Variants in NRXN3 observed in about 807,000 individuals in gnomAD.
The protein encoded by NRXN3 is neurexin III.
Under a neutral mutation model 137.6 loss-of-function variants are expected in NRXN3, and 32 were observed. The ratio of observed to expected loss-of-function variants is 0.23; its 90% CI spans 0.18 to 0.31. The LOEUF is 0.31. Ranked by LOEUF, NRXN3 falls within the 10% of genes least tolerant of loss-of-function variation. NRXN3 has a pLI of 1.00. For missense variants in NRXN3, 1,574 were observed against 2,062.5 expected (o/e 0.76, Z 4.59); for synonymous variants, 798 against 784.5 (o/e 1.02, Z -0.29).
chr14:79,638,013 A>G (rs1022365754), intron 16 of NRXN3, among the ~76,000 whole-genome samples: 1 of 151,970 alleles, frequency 6.6e-6, no homozygotes. Flanking sequence ...TACAGGCATG[A>G]GCCACCGTGC....
intron 19 of NRXN3, among the ~76,000 whole-genome samples, chr14:79,731,184 G>A (rs1316758003): frequency 6.6e-6 from 1 of 152,186 alleles, no homozygotes; most frequent in Non-Finnish European, 1.5e-5. Context: ...CACAGCCACT[G>A]TTCTGCTTCT....
chr14:79,707,612 A>AT (rs1239730091), intron 19 of NRXN3, among the ~76,000 whole-genome samples: 3 of 152,182 alleles, frequency 2.0e-5, no homozygotes, highest in Non-Finnish European at 4.4e-5. Flanking sequence ...TGCTGTCTTA[A>AT]ATGGGATTAT....
At chr14:79,081,136 C>A (rs1238381053) in intron 15 of NRXN3, among the ~76,000 whole-genome samples, 13 of 152,156 alleles carry the variant, frequency 8.5e-5, no homozygotes, top group Non-Finnish European at 1.5e-4. Flanking sequence ...AAGTTAGTTC[C>A]TTTATCATCC....
At chr14:78,931,667 G>C (rs528554058) in intron 10 of NRXN3, among the ~76,000 whole-genome samples, 29 of 152,176 alleles carry the variant, frequency 1.9e-4, no homozygotes, top group Middle Eastern at 3.4e-3. Context: ...GCTTAACTCT[G>C]AAAAAATCTG....
At chr14:78,402,921 T>C (rs765184497) in intron 4 of NRXN3, among the ~76,000 whole-genome samples, 1 of 152,194 alleles carries the variant, frequency 6.6e-6, no homozygotes, top group Non-Finnish European at 1.5e-5. Flanking sequence ...CAAATGATGC[T>C]CTCTCCCTGT....
chr14:79,162,299 C>CCCCAGAGTGTGGGG (rs1200895699), intron 15 of NRXN3, among the ~76,000 whole-genome samples: 1 of 129,842 alleles, frequency 7.7e-6, no homozygotes, highest in Non-Finnish European at 1.6e-5. Flanking sequence ...CCCCTCCCCT[C>CCCCAGAGTGTGGGG]ACCCCACAAC....
At chr14:79,661,373 G>A (rs1428426259) in intron 16 of NRXN3, among the ~76,000 whole-genome samples, 1 of 152,092 alleles carries the variant, frequency 6.6e-6, no homozygotes, top group African/African-American at 2.4e-5. Flanking sequence ...AATGCTCACA[G>A]CCTGCTTTGG....
At chr14:79,073,892 C>G (rs886825818) in intron 15 of NRXN3, among the ~76,000 whole-genome samples, 1 of 152,122 alleles carries the variant, frequency 6.6e-6, no homozygotes, top group Admixed American at 6.6e-5. Flanking sequence ...ACCTTGGACA[C>G]GTTATTTAAC....
chr14:78,566,840 A>G (rs1181504992), intron 4 of NRXN3, among the ~76,000 whole-genome samples: 1 of 152,198 alleles, frequency 6.6e-6, no homozygotes, highest in Non-Finnish European at 1.5e-5. Flanking sequence ...GTCTGTGGCT[A>G]GTGTGTGATT....
chr14:79,719,227 A>G (rs1282068219), intron 19 of NRXN3, among the ~76,000 whole-genome samples: 1 of 151,700 alleles, frequency 6.6e-6, no homozygotes, highest in Non-Finnish European at 1.5e-5. Context: ...TGCCATTAAT[A>G]TCATCCCGTC....
At chr14:78,769,597 C>T (rs2098720229) in intron 8 of NRXN3, among the ~76,000 whole-genome samples, 1 of 152,202 alleles carries the variant, frequency 6.6e-6, no homozygotes, top group African/African-American at 2.4e-5. Flanking sequence ...CAACCTAGGT[C>T]TAGCCTGCTC....
chr14:79,284,544 G>A (rs1363376926), intron 15 of NRXN3, among the ~76,000 whole-genome samples: 1 of 151,664 alleles, frequency 6.6e-6, no homozygotes, highest in Non-Finnish European at 1.5e-5. Flanking sequence ...GACTAGTTGA[G>A]GACATGGAAC....
chr14:78,420,439 A>AT (rs1336505121), intron 4 of NRXN3, among the ~76,000 whole-genome samples: 1 of 152,142 alleles, frequency 6.6e-6, no homozygotes, highest in Non-Finnish European at 1.5e-5. Context: ...ATGCAATAAA[A>AT]TTTATCTTTT....
intron 8 of NRXN3, among the ~76,000 whole-genome samples, chr14:78,740,391 T>TG (rs1440691318): frequency 6.6e-6 from 1 of 151,696 alleles, no homozygotes; most frequent in East Asian, 1.9e-4. Context: ...TCCTTTTTTT[T>TG]TTCTGCCACA....
intron 15 of NRXN3, among the ~76,000 whole-genome samples, chr14:79,460,942 A>G (rs149743922): frequency 2.6e-5 from 4 of 152,312 alleles, no homozygotes; most frequent in African/African-American, 7.2e-5. Flanking sequence ...CTGCTTTATC[A>G]TCAGTTCTGG....
intron 19 of NRXN3, among the ~76,000 whole-genome samples, chr14:79,746,737 G>A (rs17764590): frequency 0.65 from 98,034 of 151,898 alleles, 32,847 homozygotes; most frequent in African/African-American, 0.8. Flanking sequence ...TATTCAAAAG[G>A]CATCATCTTC....
chr14:78,220,277 G>A (rs1403662283), intron 1 of NRXN3, among the ~76,000 whole-genome samples: 2 of 152,084 alleles, frequency 1.3e-5, no homozygotes, highest in African/African-American at 4.8e-5. Flanking sequence ...TGGAGCTCCA[G>A]GGACCCTGAC....
At chr14:79,050,824 C>T (rs753393104) in intron 15 of NRXN3, among the ~76,000 whole-genome samples, 3 of 152,188 alleles carry the variant, frequency 2.0e-5, no homozygotes, top group Admixed American at 6.5e-5. Flanking sequence ...CCTGGATTCT[C>T]CTAAGTTTGC....
At chr14:79,718,824 A>G (rs977115409) in intron 19 of NRXN3, among the ~76,000 whole-genome samples, 2 of 152,022 alleles carry the variant, frequency 1.3e-5, no homozygotes, top group African/African-American at 4.8e-5. Context: ...ACTTCTCATC[A>G]TCAACCCAGA....
Sources: allele counts gnomAD v4.1 joint callset (sites outside exome capture counted in the v4.1 genomes callset), GRCh38; gene constraint gnomAD v4.1.1; transcripts MANE v1.5; gene names NCBI Gene and HGNC (gene_info 2026-07-23, HGNC 2026-07-21).